COL13A1: variants seen among roughly 807,000 people sequenced by gnomAD.
COL13A1 encodes collagen alpha-1(XIII) chain.
COL13A1 carries 89 observed loss-of-function variants against 130.9 expected under a neutral mutation model. The observed-to-expected ratio is 0.68, with a 90% CI of 0.57 to 0.81. The LOEUF (loss-of-function observed/expected upper bound fraction) is 0.81. Ranked by LOEUF, COL13A1 falls within the 30% of genes least tolerant of loss-of-function variation. The probability of loss-of-function intolerance (pLI) is 0.00; values close to 1 mark genes in which losing one functional copy is unlikely to be tolerated. For synonymous variants in COL13A1, 402 were observed against 341.6 expected, an observed-to-expected ratio of 1.18 and a Z score of -1.95; for missense variants, 879 against 934.6, an observed-to-expected ratio of 0.94 and a Z score of 0.78.
rs1840121889 is a variant in COL13A1, at chr10:69,801,933, T to C, written c.-491T>C. 1 of 153,896 alleles carries C rather than the reference T, an allele frequency of 6.5e-6. No individual in the cohort carries two copies. The highest frequency in any genetic ancestry group is 1.4e-5 in the Non-Finnish European group (1 of 69,374). The allele number at this position is 153,896 out of a possible 1,614,324, so 9.5% of individuals were successfully genotyped here. ...CCGATCCGTGCCGCCGCAGGGAGTG[T>C]GTCAAGTTACAGAGGCGCCGGAATC... On this transcript the variant is annotated 5_prime_UTR_variant, in exon 1 of 41. Coordinates refer to ENST00000645393, the MANE Select transcript of COL13A1 (RefSeq NM_001368882.1).
At chr10:69,874,649 G>T (rs768405218) in intron 4 of COL13A1, among the ~76,000 whole-genome samples, 4 of 152,184 alleles carry the variant, frequency 2.6e-5, no homozygotes, top group Non-Finnish European at 5.9e-5. Context: ...CCAGGGGCTG[G>T]GGAGGAGCAC....
intron 31 of COL13A1, among the ~76,000 whole-genome samples, chr10:69,933,810 C>CTAA (rs2066472438): frequency 6.6e-6 from 1 of 152,094 alleles, no homozygotes; most frequent in Admixed American, 6.6e-5. Flanking sequence ...AGTAATAATA[C>CTAA]TAATAGTAAT....
chr10:69,856,168 A>G (rs1856393777), intron 2 of COL13A1, among the ~76,000 whole-genome samples: 1 of 152,266 alleles, frequency 6.6e-6, no homozygotes, highest in South Asian at 2.1e-4. Flanking sequence ...AATTAGTAGC[A>G]GCATTTAGAA....
At chr10:69,895,463 C>T in intron 12 of COL13A1, 87 bp from the exon 13 acceptor site, 1 of 1,414,214 alleles carries the variant, frequency 7.1e-7, no homozygotes, top group Non-Finnish European at 1.0e-6. Context: ...ACATGTGTGG[C>T]ATGTCCTGAA....
intron 1 of COL13A1, among the ~76,000 whole-genome samples, chr10:69,815,815 GA>G (rs1261482543): frequency 2.6e-5 from 4 of 151,562 alleles, no homozygotes; most frequent in Non-Finnish European, 4.4e-5. Flanking sequence ...GAACAGAACA[GA>G]AAAAAGTATC....
intron 35 of COL13A1, among the ~76,000 whole-genome samples, chr10:69,941,608 C>G (rs759541864): frequency 1.4e-4 from 21 of 152,206 alleles, no homozygotes; most frequent in Non-Finnish European, 2.2e-4. Flanking sequence ...CCTATGACAG[C>G]ACAGTCGCCC....
intron 17 of COL13A1, among the ~76,000 whole-genome samples, chr10:69,916,495 C>G (rs2063939834): frequency 6.6e-6 from 1 of 152,224 alleles, no homozygotes; most frequent in Non-Finnish European, 1.5e-5. Flanking sequence ...TGCTCTTGGC[C>G]TCCCACTTGT....
At chr10:69,846,680 C>A (rs1465523865) in intron 2 of COL13A1, among the ~76,000 whole-genome samples, 1 of 152,100 alleles carries the variant, frequency 6.6e-6, no homozygotes, top group East Asian at 1.9e-4. Flanking sequence ...ATCGTCTTAA[C>A]CTTCCTCCCT....
rs937783203 is a variant in COL13A1 at position 69,816,685 on chromosome 10, G to A, written c.295-5684G>A. 3.3e-5 allele frequency among the ~76,000 whole-genome samples: 5 copies of A among 152,220 alleles called. No individual in the cohort carries two copies. The East Asian group carries it at 5.8e-4, about 18-fold the overall frequency. On this transcript the variant is annotated intron_variant, in intron 1 of 40. Transcript: ENST00000645393. Reference sequence around the variant, plus strand: ...GGTGGAAGGGAAATGGGGAGAGTGCGTGTCCTGGGAGCCAAGGGCAGGAAG... The same window carrying A: ...GGTGGAAGGGAAATGGGGAGAGTGCATGTCCTGGGAGCCAAGGGCAGGAAG...
rs1840296167 is a variant in COL13A1 at position 69,802,545 on chromosome 10, G to A, written c.122G>A (p.Ser41Asn). 1.2e-6 allele frequency: 2 copies of A among 1,607,976 alleles called. No individual in the cohort carries two copies. Among genetic ancestry groups the A allele is most frequent in the Admixed American group, 1.7e-5 (1 of 59,648 alleles). Residue 41 changes from serine to asparagine, a missense_variant, in exon 1 of 41, where the codon AGT becomes AAT. Around this residue, in one of 3 missense-constraint regions of COL13A1, gnomAD observed 715 missense variants for 721.0 expected, o/e 0.99. Transcript: ENST00000645393. Reference sequence around the variant, plus strand: ...GCGGAGCGCGGCGCACGGCTGCCGAGTCCAGGGTCGTGCGGGCTGCTGACG... The same window carrying A: ...GCGGAGCGCGGCGCACGGCTGCCGAATCCAGGGTCGTGCGGGCTGCTGACG... ...ARAERGARLP[S>N]PGSCGLLTLA...
intron 3 of COL13A1, 37 bp from the exon 4 acceptor site, chr10:69,872,147 C>T (rs1313177425): frequency 6.2e-7 from 1 of 1,613,718 alleles, no homozygotes; most frequent in African/African-American, 1.3e-5. Flanking sequence ...TGTTACGATA[C>T]CTGCCTGACC....
chr10:69,921,429 G>A (rs138339575), intron 21 of COL13A1, among the ~76,000 whole-genome samples: 98 of 152,304 alleles, frequency 6.4e-4, no homozygotes, highest in African/African-American at 1.8e-3. Flanking sequence ...AGCTAGAGGC[G>A]GAGAAGGGGG....
In COL13A1 at chr10:69,927,096, A is replaced by G. The variant is rs981882527; in HGVS notation, c.1408A>G (p.Thr470Ala). 4 of 1,613,838 alleles carry G rather than the reference A, an allele frequency of 2.5e-6. No individual in the cohort carries two copies. The highest frequency in any genetic ancestry group is 1.3e-5 in the African/African-American group (1 of 74,992). Residue 470 changes from threonine to alanine, a missense_variant, in exon 27 of 41, where the codon ACG becomes GCG. Coordinates refer to ENST00000645393, the MANE Select transcript of COL13A1 (RefSeq NM_001368882.1). Reference protein sequence around the residue: ...NINEALQEIRTLALMGPPGLP... With the variant: ...NINEALQEIRALALMGPPGLP... ...GGTGTTGGTTTTTTAGGAGATCCGG[A>G]CGCTGGCCTTGATGGTAAGTTTTGC...
intron 1 of COL13A1, among the ~76,000 whole-genome samples, chr10:69,803,982 T>C (rs887675009): frequency 2.0e-5 from 3 of 152,002 alleles, no homozygotes; most frequent in African/African-American, 4.8e-5. Context: ...AAGGAGGAGA[T>C]TGCAGGGCCA....
chr10:69,921,953 T>C lies in COL13A1; in HGVS notation c.1143+18T>C. ...GGCAGAAGGTAGGTGTTGCTCTGAA[T>C]GGAGGGTTCAAGTCCTTCGTCACCC... On this transcript the variant is annotated intron_variant, in intron 22 of 40. Transcript: ENST00000645393. The C allele has an allele frequency of 6.3e-7, 1 of 1,597,234 alleles. No homozygotes were observed. The highest frequency in any genetic ancestry group is 1.1e-5 in the South Asian group (1 of 87,542).
intron 2 of COL13A1, among the ~76,000 whole-genome samples, chr10:69,848,803 C>A (rs1853871996): frequency 6.6e-6 from 1 of 152,180 alleles, no homozygotes; most frequent in Admixed American, 6.5e-5. Context: ...CCAAGGGGGT[C>A]ACTTAAGGAC....
At chr10:69,835,539 A>G (rs1849820028) in intron 2 of COL13A1, among the ~76,000 whole-genome samples, 1 of 152,080 alleles carries the variant, frequency 6.6e-6, no homozygotes, top group Non-Finnish European at 1.5e-5. Flanking sequence ...TTGTCCCCAC[A>G]CACCTGGCCC....
At chr10:69,846,133 G>C (rs914920970) in intron 2 of COL13A1, among the ~76,000 whole-genome samples, 1 of 152,240 alleles carries the variant, frequency 6.6e-6, no homozygotes, top group Non-Finnish European at 1.5e-5. Flanking sequence ...TTTGTGAGTA[G>C]TCTGTGATCT....
At chr10:69,848,178 G>A (rs1853674740) in intron 2 of COL13A1, among the ~76,000 whole-genome samples, 1 of 152,232 alleles carries the variant, frequency 6.6e-6, no homozygotes, top group South Asian at 2.1e-4. Context: ...GAGGCTGCCA[G>A]GAAGATGGAT....
Sources: gnomAD v4.1 joint callset for allele counts (sites outside exome capture counted in the v4.1 genomes callset) on GRCh38, gnomAD v4.1.1 for gene constraint, gnomAD v4.1.1 regional missense constraint, MANE v1.5 for transcripts, NCBI Gene and HGNC (gene_info 2026-07-23, HGNC 2026-07-21) for gene names.